CIT: variants seen among roughly 807,000 people sequenced by gnomAD.
CIT encodes the protein citron rho-interacting serine/threonine kinase.
In CIT, 79 loss-of-function variants were observed where a neutral mutation model predicts 272.7. That is an observed-to-expected ratio of 0.29 (90% CI 0.24 to 0.35). CIT has a LOEUF of 0.35. Ranked by LOEUF, CIT falls within the 10% of genes least tolerant of loss-of-function variation. The probability of loss-of-function intolerance (pLI) is 1.00; values close to 1 mark genes in which losing one functional copy is unlikely to be tolerated. For synonymous variants in CIT, 948 were observed against 995.6 expected, an observed-to-expected ratio of 0.95 and a Z score of 0.90; for missense variants, 1,909 against 2,618.3, an observed-to-expected ratio of 0.73 and a Z score of 5.91.
chr12:119,857,394 A>G, intron 4 of CIT, 129 bp downstream of exon 4: 1 of 914,190 alleles, frequency 1.1e-6, no homozygotes. Flanking sequence ...TTTTGCCCCA[A>G]CTATAATTAA....
At chr12:119,776,334 C>A (rs1184422595) in intron 15 of CIT, 24 bp downstream of exon 15, 3 of 1,604,072 alleles carry the variant, frequency 1.9e-6, no homozygotes, top group Admixed American at 1.7e-5. Flanking sequence ...ATATTAATAG[C>A]AAAACCAATC....
intron 23 of CIT, among the ~76,000 whole-genome samples, chr12:119,745,373 G>GAAAAAAAAAAAAAAAAAAAAAA (rs1959205778): frequency 4.5e-4 from 1 of 2,236 alleles, no homozygotes; most frequent in Non-Finnish European, 9.2e-4. Flanking sequence ...GAAGAAACAA[G>GAAAAAAAAAAAAAAAAAAAAAA]CAAAAAAAAA....
In CIT at chr12:119,685,961, C is replaced by A. The variant is rs1339087583; in HGVS notation, c.*2271G>T. 6.6e-6 allele frequency: 1 copy of A among 152,512 alleles called. No individual in the cohort carries two copies. The highest frequency in any genetic ancestry group is 1.5e-5 in the Non-Finnish European group (1 of 68,024). 9.4% of individuals were successfully genotyped at this position (152,512 alleles called of 1,614,324 possible). ...TAGAATCTTGATTGATGCTAATAAGCTTTTGACAGCAATTTCGTGTTACGG... is the reference window on the plus strand; with the variant it reads ...TAGAATCTTGATTGATGCTAATAAGATTTTGACAGCAATTTCGTGTTACGG... On this transcript the variant is annotated 3_prime_UTR_variant, in exon 48 of 48. Transcript: ENST00000392521.
At chr12:119,803,482 G>A in intron 9 of CIT, 93 bp from the exon 10 acceptor site, 1 of 937,624 alleles carries the variant, frequency 1.1e-6, no homozygotes, top group Non-Finnish European at 1.6e-6. Flanking sequence ...TACTCCTTCG[G>A]CGCTGGCGAT....
chr12:119,759,210 C>T (rs1463478254), intron 20 of CIT, among the ~76,000 whole-genome samples: 1 of 152,244 alleles, frequency 6.6e-6, no homozygotes, highest in Non-Finnish European at 1.5e-5. Context: ...GGCCGCACAG[C>T]AGGAGGTGAG....
rs371199305 is a variant in CIT, at chr12:119,743,989, T to C, written c.2905-1525A>G. On this transcript the variant is annotated intron_variant, in intron 23 of 47. Transcript: ENST00000392521. The stretch of plus-strand genomic sequence containing the variant: ...TTAATTGAAAACCAATGGAAAATTT[T>C]AAGAAAGAAAGTGACGGATTTTACT... Among the ~76,000 whole-genome samples the C allele has an allele frequency of 1.5e-4, 23 of 152,326 alleles. No individual in the cohort carries two copies. In the South Asian group the frequency reaches 4.6e-3, roughly 30 times the overall value.
In CIT at chr12:119,718,020, A is replaced by G. The variant is rs112115558; in HGVS notation, c.4168+225T>C. On this transcript the variant is annotated intron_variant, in intron 32 of 47. Coordinates refer to ENST00000392521, the MANE Select transcript of CIT (RefSeq NM_001206999.2). This position sits in a 1 kb window ranked among gnomAD's most constrained non-coding sequence, Gnocchi z 4.8. ...CATGCCCAGCTAATTTTGCATTTTT[A>G]GTAGAGACGGGGTTTCTCCATGTTG... is the stretch of plus-strand genomic sequence containing the variant. Among the ~76,000 whole-genome samples, 7,507 of 151,014 alleles carry G rather than the reference A, an allele frequency of 0.05. 391 individuals carry two copies. Among genetic ancestry groups the G allele is most frequent in the African/African-American group, 0.12 (5,130 of 41,130 alleles).
At chr12:119,813,283 T>C (rs1966875341) in intron 9 of CIT, among the ~76,000 whole-genome samples, 1 of 152,208 alleles carries the variant, frequency 6.6e-6, no homozygotes, top group Non-Finnish European at 1.5e-5. Flanking sequence ...AGTTGAATGT[T>C]CCATCACCAC....
chr12:119,706,445 C>G (rs910660579), intron 40 of CIT, among the ~76,000 whole-genome samples: 4 of 152,090 alleles, frequency 2.6e-5, no homozygotes, highest in Non-Finnish European at 2.9e-5. Flanking sequence ...CTCCCACCCT[C>G]CACCCTCTGA....
chr12:119,756,033 C>T (rs536813339), intron 22 of CIT, among the ~76,000 whole-genome samples: 16 of 152,132 alleles, frequency 1.1e-4, no homozygotes, highest in Non-Finnish European at 1.9e-4. Context: ...CAAATTGACA[C>T]GCTCCCCACA....
intron 5 of CIT, among the ~76,000 whole-genome samples, chr12:119,843,724 T>A (rs777586429): frequency 6.6e-6 from 1 of 151,868 alleles, no homozygotes; most frequent in Non-Finnish European, 1.5e-5. Context: ...GCAGGAGAAT[T>A]GCTTGAACCC....
At chr12:119,729,418 T>C (rs920174353) in intron 27 of CIT, among the ~76,000 whole-genome samples, 1 of 152,036 alleles carries the variant, frequency 6.6e-6, no homozygotes, top group African/African-American at 2.4e-5. Flanking sequence ...TATGGTAAAA[T>C]ACTGGAAGTT....
intron 10 of CIT, among the ~76,000 whole-genome samples, chr12:119,798,225 G>A (rs1965905317): frequency 6.6e-6 from 1 of 152,106 alleles, no homozygotes; most frequent in Non-Finnish European, 1.5e-5. Flanking sequence ...CTGCCTGTCA[G>A]CTCCCATCAC....
rs57327382 is a variant in CIT, at chr12:119,731,813, A to AATATATATATAT, written c.3351-1195_3351-1184dup. On this transcript the variant is annotated intron_variant, in intron 26 of 47. Transcript: ENST00000392521. ...AAAGCATAACTGTATTTCTCTCCTA[A>AATATATATATAT]ATATATATATATATATATATATATA... Among the ~76,000 whole-genome samples, 521 of 139,048 alleles carry AATATATATATAT rather than the reference A, an allele frequency of 3.7e-3. 3 individuals are homozygous for AATATATATATAT. Among genetic ancestry groups the AATATATATATAT allele is most frequent in the African/African-American group, 0.013 (482 of 35,954 alleles). 91.2% of individuals were successfully genotyped at this position (139,048 alleles called of 152,430 possible). A position where few individuals can be genotyped will look rare whatever the true frequency, so the allele number is the denominator to read the frequency against.
chr12:119,840,308 ACT>A (rs1365622705), intron 5 of CIT, among the ~76,000 whole-genome samples: 1 of 152,098 alleles, frequency 6.6e-6, no homozygotes, highest in Non-Finnish European at 1.5e-5. Flanking sequence ...ACACAGTCAG[ACT>A]CTGTCTCGAA....
intron 4 of CIT, among the ~76,000 whole-genome samples, chr12:119,856,342 C>T (rs186047683): frequency 5.9e-5 from 9 of 152,148 alleles, no homozygotes; most frequent in South Asian, 2.1e-4. Context: ...AAATGGAGAG[C>T]GGTCATGGTT....
chr12:119,746,143 C>T (rs969355341), intron 23 of CIT, among the ~76,000 whole-genome samples: 2 of 152,100 alleles, frequency 1.3e-5, no homozygotes, highest in Admixed American at 1.3e-4. Context: ...CACCAAAAAC[C>T]AAAGGCAAGG....
At chr12:119,808,517 T>G (rs947411882) in intron 9 of CIT, among the ~76,000 whole-genome samples, 1 of 151,600 alleles carries the variant, frequency 6.6e-6, no homozygotes, top group Non-Finnish European at 1.5e-5. Context: ...CATGAAGAAC[T>G]AGCATATTAA....
Position 119,776,876 on chromosome 12 carries a change from T to C in CIT, c.1666-34A>G, listed in dbSNP as rs1488855260. The C allele has an allele frequency of 2.5e-6, 4 of 1,607,292 alleles. No homozygotes were observed. The African/African-American group carries it at 5.3e-5, about 21-fold the overall frequency. On this transcript the variant is annotated intron_variant, in intron 13 of 47. Transcript: ENST00000392521. ...CAGGCAATGAAATAAAAGAGAACTT[T>C]CGAACTCCGAAAAGAATAGACAGGC...
Sources: gnomAD v4.1 joint callset for allele counts (sites outside exome capture counted in the v4.1 genomes callset) on GRCh38, gnomAD v4.1.1 for gene constraint, Gnocchi (gnomAD v3.1) non-coding constraint, MANE v1.5 for transcripts, NCBI Gene and HGNC (gene_info 2026-07-23, HGNC 2026-07-21) for gene names.